Variants in RXRA observed in about 807,000 individuals in gnomAD.
RXRA encodes the protein retinoic acid receptor RXR-alpha.
RXRA carries 5 observed loss-of-function variants against 44.5 expected under a neutral mutation model. That is an observed-to-expected ratio of 0.11 (90% CI 0.06 to 0.24). RXRA has a LOEUF of 0.24. Ranked by LOEUF, RXRA falls within the 10% of genes least tolerant of loss-of-function variation. The pLI, the probability that RXRA is intolerant of heterozygous loss-of-function variation, is 1.00. For synonymous variants in RXRA, 291 were observed against 271.4 expected (o/e 1.07, Z -0.71); for missense variants, 412 against 646.5 (o/e 0.64, Z 3.93).
In RXRA at chr9:134,417,375, T is replaced by G; in HGVS notation, c.780+48T>G. On this transcript the variant is annotated intron_variant, in intron 5 of 9. Coordinates refer to ENST00000481739, the MANE Select transcript of RXRA (RefSeq NM_002957.6). This position sits in a 1 kb window ranked among gnomAD's most constrained non-coding sequence, Gnocchi z 6.1. ...GTGGGCAGCCTCACATGCCTCAGTT[T>G]CCCTCACTCACTCACCCTCCCACCT... 1 of 1,591,680 alleles carries G rather than the reference T, an allele frequency of 6.3e-7. No homozygotes were observed. The highest frequency in any genetic ancestry group is 8.6e-7 in the Non-Finnish European group (1 of 1,164,742).
chr9:134,417,288 G>T lies in RXRA; in HGVS notation c.741G>T (p.Glu247Asp). Residue 247 changes from glutamate to aspartate, a missense_variant, in exon 5 of 10, where the codon GAG becomes GAT. By Grantham distance (45) the Glu-to-Asp change is conservative (BLOSUM62 2). This residue lies in a region of RXRA where 67 missense variants were observed against 78.7 expected (regional missense o/e 0.85). Transcript: ENST00000481739. The surrounding 1 kb of genome is among the most constrained non-coding windows in gnomAD (Gnocchi z 6.1). Reference protein sequence around the residue: ...EAELAVEPKTETYVEANMGLN... With the variant: ...EAELAVEPKTDTYVEANMGLN... ...AGCTGGCCGTGGAGCCCAAGACCGA[G>T]ACCTACGTGGAGGCAAACATGGGGC... 1 of 1,613,870 alleles carries T rather than the reference G, an allele frequency of 6.2e-7. No homozygotes were observed. Among genetic ancestry groups the T allele is most frequent in the South Asian group, 1.1e-5 (1 of 91,088 alleles).
At chr9:134,357,294 C>CG (rs1016178144) in intron 1 of RXRA, among the ~76,000 whole-genome samples, 1 of 152,202 alleles carries the variant, frequency 6.6e-6, no homozygotes, top group African/African-American at 2.4e-5. Flanking sequence ...CGCTGCTGAG[C>CG]GGGCTGCAGC....
rs148546995 is a variant in RXRA, at chr9:134,346,367, G to A, written c.28+19708G>A. Among the ~76,000 whole-genome samples the A allele has an allele frequency of 9.4e-3, 1,434 of 152,204 alleles. 8 individuals carry two copies. The highest frequency in any genetic ancestry group is 0.015 in the Non-Finnish European group (1,012 of 68,002). On this transcript the variant is annotated intron_variant, in intron 1 of 9. Coordinates refer to ENST00000481739, the MANE Select transcript of RXRA (RefSeq NM_002957.6). Reference sequence around the variant, plus strand: ...CCCCTCCCCCAAATGCCCTTCTGCCGTTGCCCCTTCAGGTCTCCCTCGGCT... The same window carrying A: ...CCCCTCCCCCAAATGCCCTTCTGCCATTGCCCCTTCAGGTCTCCCTCGGCT...
intron 1 of RXRA, among the ~76,000 whole-genome samples, chr9:134,376,695 C>G (rs1830562515): frequency 7.9e-5 from 1 of 12,642 alleles, no homozygotes; most frequent in African/African-American, 2.0e-4. Flanking sequence ...GCAGTACCCT[C>G]CCTGGCTGTG....
At chr9:134,391,191 C>G (rs531488275) in intron 1 of RXRA, among the ~76,000 whole-genome samples, 1 of 152,318 alleles carries the variant, frequency 6.6e-6, no homozygotes, top group East Asian at 1.9e-4. Flanking sequence ...CTGCCCTGAT[C>G]ATTTCAGAGT....
chr9:134,421,629 C>T (rs998877292), intron 5 of RXRA, 47 bp from the exon 6 acceptor site: 3 of 1,540,416 alleles, frequency 1.9e-6, no homozygotes, highest in Non-Finnish European at 1.8e-6. Context: ...TTGGTCAGTA[C>T]ACTGGCTTCT....
At chr9:134,422,741 G>A in intron 6 of RXRA, 2 of 985,452 alleles carry the variant, frequency 2.0e-6, no homozygotes, top group South Asian at 4.7e-5. Context: ...AGGGCCTGGG[G>A]CCTCAGTTTC....
At chr9:134,358,032 G>C (rs992147671) in intron 1 of RXRA, among the ~76,000 whole-genome samples, 5 of 152,228 alleles carry the variant, frequency 3.3e-5, no homozygotes. Context: ...TGTGCTCCCC[G>C]ACATCCCTGC....
chr9:134,382,791 G>C (rs1212432264), intron 1 of RXRA, among the ~76,000 whole-genome samples: 1 of 152,184 alleles, frequency 6.6e-6, no homozygotes, highest in Non-Finnish European at 1.5e-5. Context: ...ATGTGCCTGA[G>C]AGCTGGTCCG....
intron 1 of RXRA, among the ~76,000 whole-genome samples, chr9:134,331,997 T>C (rs1429535359): frequency 2.0e-5 from 3 of 152,232 alleles, no homozygotes; most frequent in African/African-American, 7.2e-5. Flanking sequence ...GGGACCCTGG[T>C]GGAGGGCTGA....
chr9:134,429,325 C>T (rs1831490989), intron 7 of RXRA, 85 bp downstream of exon 7: 3 of 1,365,858 alleles, frequency 2.2e-6, no homozygotes, highest in African/African-American at 1.4e-5. Context: ...GGCCCCGGTG[C>T]ACATCCTGCC....
intron 1 of RXRA, among the ~76,000 whole-genome samples, chr9:134,357,310 G>A (rs1830295321): frequency 1.3e-5 from 2 of 152,188 alleles, no homozygotes; most frequent in Admixed American, 6.5e-5. Flanking sequence ...GCAGCCTCCC[G>A]CATCCTCACC....
chr9:134,410,418 C>T (rs1290788381), intron 4 of RXRA, among the ~76,000 whole-genome samples: 3 of 152,250 alleles, frequency 2.0e-5, no homozygotes, highest in Admixed American at 2.0e-4. Context: ...GGCCCCCATC[C>T]AGACCTTGTT....
intron 1 of RXRA, among the ~76,000 whole-genome samples, chr9:134,344,698 C>T (rs3750546): frequency 0.11 from 17,446 of 152,216 alleles, 1,059 homozygotes; most frequent in South Asian, 0.16. Flanking sequence ...TGCCTGGCCA[C>T]GGACGCCCCT....
intron 1 of RXRA, among the ~76,000 whole-genome samples, chr9:134,400,682 G>A (rs1223906898): frequency 2.6e-5 from 4 of 152,226 alleles, no homozygotes; most frequent in Non-Finnish European, 4.4e-5. Context: ...TCCAGGGTGC[G>A]GGGCAGGGGG....
intron 6 of RXRA, chr9:134,425,143 G>A (rs1831411660): frequency 2.0e-6 from 2 of 985,406 alleles, no homozygotes; most frequent in Non-Finnish European, 2.4e-6. Flanking sequence ...ACTGAGTGGG[G>A]GTGCAGTGGC....
At chr9:134,326,693 CGGGGGCCGGGGGCCGGCGGGCGGGA>C (rs1347347631) in intron 1 of RXRA, 34 bp downstream of exon 1, 14 of 592,000 alleles carry the variant, frequency 2.4e-5, no homozygotes, top group East Asian at 1.6e-4. Context: ...GGGACGGGGC[CGGGGGCCGGGGGCCGGCGGGCGGGA>C]GGGGGCCGGG....
At chr9:134,379,659 G>T (rs868075585) in intron 1 of RXRA, 1 of 985,196 alleles carries the variant, frequency 1.0e-6, no homozygotes, top group Admixed American at 6.2e-5. Flanking sequence ...CCCACCCTGC[G>T]GTCCTGGGAG....
In RXRA at chr9:134,377,557, C is replaced by A. The variant is rs76777717; in HGVS notation, c.29-24075C>A. On this transcript the variant is annotated intron_variant, in intron 1 of 9. Coordinates refer to ENST00000481739, the MANE Select transcript of RXRA (RefSeq NM_002957.6). ...TGTGTGTGCCCTGCAGCCAGCACACCCACACCCCCAGCTCCCGCGACCCCT... is the reference window on the plus strand; with the variant it reads ...TGTGTGTGCCCTGCAGCCAGCACACACACACCCCCAGCTCCCGCGACCCCT... Among the ~76,000 whole-genome samples the A allele has an allele frequency of 3.1e-3, 479 of 152,286 alleles. 16 individuals are homozygous for A. In the East Asian group the frequency reaches 0.063, roughly 20 times the overall value.
Sources: gnomAD v4.1 joint callset for allele counts (sites outside exome capture counted in the v4.1 genomes callset) on GRCh38, gnomAD v4.1.1 for gene constraint, gnomAD v4.1.1 regional missense constraint, Gnocchi (gnomAD v3.1) non-coding constraint, MANE v1.5 for transcripts, NCBI Gene and HGNC (gene_info 2026-07-23, HGNC 2026-07-21) for gene names.